Variants in NRXN3 observed in about 807,000 individuals in gnomAD.
The protein encoded by NRXN3 is neurexin III.
A neutral mutation model predicts 137.6 loss-of-function variants in NRXN3; 32 were observed. That is an observed-to-expected ratio of 0.23 (90% CI 0.18 to 0.31). The LOEUF (loss-of-function observed/expected upper bound fraction) is 0.31. NRXN3 is among the 10% of genes least tolerant of loss of function. NRXN3 has a pLI of 1.00. For synonymous variants in NRXN3, 798 were observed against 784.5 expected (o/e 1.02, Z -0.29); for missense variants, 1,574 against 2,062.5 (o/e 0.76, Z 4.59).
At chr14:79,595,180 T>A (rs577476319) in intron 16 of NRXN3, among the ~76,000 whole-genome samples, 1 of 152,310 alleles carries the variant, frequency 6.6e-6, no homozygotes. Context: ...ACCCTTTCTC[T>A]AGCCAGTCAG....
At chr14:78,506,107 T>C (rs2153783045) in intron 4 of NRXN3, among the ~76,000 whole-genome samples, 1 of 152,282 alleles carries the variant, frequency 6.6e-6, no homozygotes, top group East Asian at 1.9e-4. Context: ...CCTATATCCA[T>C]TGAACAATTC....
At chr14:78,374,190 A>G (rs1017903289) in intron 4 of NRXN3, among the ~76,000 whole-genome samples, 1 of 152,208 alleles carries the variant, frequency 6.6e-6, no homozygotes, top group African/African-American at 2.4e-5. Flanking sequence ...TTCTCTGGTC[A>G]TGTACCATGT....
intron 15 of NRXN3, among the ~76,000 whole-genome samples, chr14:79,270,534 G>A (rs2079146584): frequency 6.6e-6 from 1 of 152,134 alleles, no homozygotes; most frequent in African/African-American, 2.4e-5. Flanking sequence ...CTCTGGCCCT[G>A]GAATTTAAGC....
chr14:78,678,898 G>T (rs987270683), intron 6 of NRXN3, among the ~76,000 whole-genome samples: 2 of 152,120 alleles, frequency 1.3e-5, no homozygotes, highest in East Asian at 3.9e-4. Flanking sequence ...GCACCAAGTT[G>T]CTGTCTTTTA....
rs569350538 is a variant in NRXN3 at position 79,792,652 on chromosome 14, G to A, written c.4015-12460G>A. Among the ~76,000 whole-genome samples, 167 of 152,272 alleles carry A rather than the reference G, an allele frequency of 1.1e-3. 6 individuals carry two copies. The South Asian group carries it at 0.034, about 31-fold the overall frequency. The stretch of plus-strand genomic sequence containing the variant: ...AAATTAAAAATATTTTTCTGACACA[G>A]TTTTTAAAGATGCCACTGACTCAGC... On this transcript the variant is annotated intron_variant, in intron 19 of 20. Transcript: ENST00000335750.
At chr14:79,220,873 T>C (rs2069482596) in intron 15 of NRXN3, among the ~76,000 whole-genome samples, 1 of 152,072 alleles carries the variant, frequency 6.6e-6, no homozygotes, top group Admixed American at 6.6e-5. Context: ...TCACCTACAT[T>C]AGGTATTTCT....
At chr14:78,336,153 G>A (rs2081440047) in intron 4 of NRXN3, among the ~76,000 whole-genome samples, 1 of 152,158 alleles carries the variant, frequency 6.6e-6, no homozygotes, top group South Asian at 2.1e-4. Context: ...TAAAACGGAA[G>A]TTCATTTATT....
At chr14:79,757,273 A>C (rs1379849343) in intron 19 of NRXN3, among the ~76,000 whole-genome samples, 1 of 152,180 alleles carries the variant, frequency 6.6e-6, no homozygotes, top group Non-Finnish European at 1.5e-5. Context: ...TGAGGACACA[A>C]AAGAGATGCA....
chr14:79,036,878 T>C (rs2099616994), intron 15 of NRXN3, among the ~76,000 whole-genome samples: 1 of 151,956 alleles, frequency 6.6e-6, no homozygotes, highest in Non-Finnish European at 1.5e-5. Flanking sequence ...CTTGGGTTAA[T>C]TTCGATGTAC....
At chr14:78,754,214 G>A (rs563014088) in intron 8 of NRXN3, among the ~76,000 whole-genome samples, 22 of 152,250 alleles carry the variant, frequency 1.4e-4, no homozygotes, top group African/African-American at 5.1e-4. Context: ...GTTTGCTTAG[G>A]TAGGAACCCA....
intron 4 of NRXN3, among the ~76,000 whole-genome samples, chr14:78,593,731 A>G (rs931937935): frequency 7.9e-5 from 12 of 152,130 alleles, no homozygotes; most frequent in African/African-American, 2.9e-4. Flanking sequence ...CTAACCCAGC[A>G]TAGAGGACCT....
intron 15 of NRXN3, among the ~76,000 whole-genome samples, chr14:79,370,151 A>G (rs1844645798): frequency 6.6e-6 from 1 of 152,192 alleles, no homozygotes; most frequent in Non-Finnish European, 1.5e-5. Flanking sequence ...GTAAGGAAGA[A>G]CAGCCCCAAT....
chr14:79,591,665 A>C (rs765060167), intron 16 of NRXN3, among the ~76,000 whole-genome samples: 23 of 152,194 alleles, frequency 1.5e-4, no homozygotes, highest in Non-Finnish European at 2.8e-4. Context: ...TTATATATTG[A>C]ATACAAAAGA....
At chr14:79,338,505 G>A (rs1392005279) in intron 15 of NRXN3, among the ~76,000 whole-genome samples, 1 of 152,108 alleles carries the variant, frequency 6.6e-6, no homozygotes, top group Non-Finnish European at 1.5e-5. Context: ...CACAGGTCTG[G>A]AATGAAATCT....
intron 15 of NRXN3, among the ~76,000 whole-genome samples, chr14:79,096,392 G>C (rs948613620): frequency 6.6e-6 from 1 of 152,070 alleles, no homozygotes; most frequent in Non-Finnish European, 1.5e-5. Context: ...TTACAGGCAT[G>C]AGCCACCGTG....
intron 10 of NRXN3, among the ~76,000 whole-genome samples, chr14:78,836,372 G>T (rs886112463): frequency 2.0e-5 from 3 of 152,126 alleles, no homozygotes; most frequent in Non-Finnish European, 4.4e-5. Flanking sequence ...CTCCTTCTTG[G>T]GAGGCTATTC....
At chr14:79,840,021 T>C (rs1278479092) in intron 20 of NRXN3, among the ~76,000 whole-genome samples, 1 of 152,180 alleles carries the variant, frequency 6.6e-6, no homozygotes, top group Non-Finnish European at 1.5e-5. Flanking sequence ...ATATCTAGCA[T>C]CTCTTTCAAT....
At chr14:78,205,744 G>T (rs1027122392) in intron 1 of NRXN3, among the ~76,000 whole-genome samples, 5 of 152,220 alleles carry the variant, frequency 3.3e-5, no homozygotes, top group Non-Finnish European at 7.3e-5. Context: ...TGCCAGGCCA[G>T]AGTTTGGACT....
At chr14:78,518,401 G>A (rs1054049399) in intron 4 of NRXN3, among the ~76,000 whole-genome samples, 2 of 152,092 alleles carry the variant, frequency 1.3e-5, no homozygotes, top group Admixed American at 1.3e-4. Flanking sequence ...ATCTAATCCA[G>A]TCCGGAGTTA....
Sources: allele counts gnomAD v4.1 joint callset (sites outside exome capture counted in the v4.1 genomes callset), GRCh38; gene constraint gnomAD v4.1.1; transcripts MANE v1.5; gene names NCBI Gene and HGNC (gene_info 2026-07-23, HGNC 2026-07-21).